Variants in PCDH15 observed in about 807,000 individuals in gnomAD.
PCDH15 encodes the protein protocadherin-15.
PCDH15 carries 129 observed loss-of-function variants against 178.5 expected under a neutral mutation model. The observed-to-expected ratio is 0.72, with a 90% confidence interval of 0.63 to 0.84. The LOEUF (loss-of-function observed/expected upper bound fraction) is 0.84, where lower values mean the gene tolerates loss of function less well. Among genes scored for constraint, PCDH15 ranks in the 40% least tolerant of loss-of-function variants. PCDH15 has a pLI of 0.00. For synonymous variants in PCDH15, 800 were observed against 732.0 expected, an observed-to-expected ratio of 1.09 and a Z score of -1.50; for missense variants, 2,230 against 2,099.9, an observed-to-expected ratio of 1.06 and a Z score of -1.21.
At chr10:55,494,687 G>A (rs1175028557) in intron 2 of PCDH15, among the ~76,000 whole-genome samples, 2 of 151,694 alleles carry the variant, frequency 1.3e-5, no homozygotes, top group South Asian at 2.1e-4. Flanking sequence ...GAAGTCCACT[G>A]AAATTAAAAT....
At chr10:55,298,726 G>A (rs527241911) in intron 1 of PCDH15, among the ~76,000 whole-genome samples, 2 of 151,928 alleles carry the variant, frequency 1.3e-5, no homozygotes, top group Non-Finnish European at 2.9e-5. Context: ...GACTACCAGC[G>A]TGTGCCACCA....
intron 13 of PCDH15, among the ~76,000 whole-genome samples, chr10:54,160,083 C>G (rs374398302): frequency 6.6e-6 from 1 of 152,130 alleles, no homozygotes; most frequent in East Asian, 1.9e-4. Flanking sequence ...AATAAGGGTA[C>G]CACCACAGGT....
At chr10:53,972,394 T>A (rs1220775148) in intron 21 of PCDH15, among the ~76,000 whole-genome samples, 1 of 152,184 alleles carries the variant, frequency 6.6e-6, no homozygotes, top group Non-Finnish European at 1.5e-5. Context: ...GCTTCATGAC[T>A]AAAACACCAA....
At chr10:54,944,735 T>C (rs778911960) in intron 2 of PCDH15, among the ~76,000 whole-genome samples, 3 of 151,848 alleles carry the variant, frequency 2.0e-5, no homozygotes, top group Non-Finnish European at 4.4e-5. Context: ...TGAAATTTTA[T>C]TGAGATACGA....
At chr10:54,829,587 T>C (rs1953188405) in intron 3 of PCDH15, among the ~76,000 whole-genome samples, 1 of 152,064 alleles carries the variant, frequency 6.6e-6, no homozygotes, top group Admixed American at 6.6e-5. Context: ...GCCAGAAATT[T>C]AGTGAGCCCA....
intron 1 of PCDH15, among the ~76,000 whole-genome samples, chr10:54,744,972 G>GC (rs996381319): frequency 6.6e-6 from 1 of 151,814 alleles, no homozygotes; most frequent in Non-Finnish European, 1.5e-5. Context: ...AATTGCAAAG[G>GC]CCCCCCACCA....
chr10:55,201,203 C>G (rs1014681235), intron 1 of PCDH15, among the ~76,000 whole-genome samples: 1 of 152,042 alleles, frequency 6.6e-6, no homozygotes, highest in Non-Finnish European at 1.5e-5. Flanking sequence ...ATATCAGAAG[C>G]TACTTTTGTC....
chr10:54,818,204 A>G (rs1480706507), intron 3 of PCDH15, among the ~76,000 whole-genome samples: 1 of 151,990 alleles, frequency 6.6e-6, no homozygotes, highest in Non-Finnish European at 1.5e-5. Context: ...ACAAGTGTTC[A>G]TTTAGATTTA....
At chr10:55,072,724 G>A (rs1276033677) in intron 2 of PCDH15, among the ~76,000 whole-genome samples, 1 of 151,910 alleles carries the variant, frequency 6.6e-6, no homozygotes, top group Non-Finnish European at 1.5e-5. Flanking sequence ...TAGAAAAAGA[G>A]GGAATCCTCC....
intron 3 of PCDH15, among the ~76,000 whole-genome samples, chr10:54,842,076 G>C (rs1040088063): frequency 2.6e-5 from 4 of 151,784 alleles, no homozygotes; most frequent in African/African-American, 9.7e-5. Context: ...CGAGGAACTT[G>C]AAATTGGACT....
At chr10:54,592,609 T>G (rs1208298200) in intron 2 of PCDH15, among the ~76,000 whole-genome samples, 1 of 152,170 alleles carries the variant, frequency 6.6e-6, no homozygotes, top group Non-Finnish European at 1.5e-5. Flanking sequence ...CATGGACACT[T>G]AAGTTGTATC....
intron 33 of PCDH15, among the ~76,000 whole-genome samples, chr10:53,818,788 TAATC>T (rs370246494): frequency 1.6e-4 from 24 of 152,066 alleles, no homozygotes; most frequent in African/African-American, 2.9e-4. Context: ...TATGTAGAAT[TAATC>T]AATCAGTGTA....
chr10:54,627,377 T>C (rs1225201809), intron 2 of PCDH15, among the ~76,000 whole-genome samples: 1 of 152,126 alleles, frequency 6.6e-6, no homozygotes. Flanking sequence ...TGGGAGATGA[T>C]TGAATCATGG....
At chr10:55,256,435 AC>A (rs1352696854) in intron 1 of PCDH15, among the ~76,000 whole-genome samples, 1 of 152,204 alleles carries the variant, frequency 6.6e-6, no homozygotes, top group African/African-American at 2.4e-5. Flanking sequence ...GCATCGCCTC[AC>A]CCGGGAAGTA....
intron 2 of PCDH15, among the ~76,000 whole-genome samples, chr10:55,460,297 G>A (rs572554244): frequency 6.6e-6 from 1 of 151,716 alleles, no homozygotes; most frequent in Non-Finnish European, 1.5e-5. Context: ...GTATTGGGAT[G>A]GCTAAAATAA....
At chr10:54,454,343 T>C (rs879561641) in intron 3 of PCDH15, among the ~76,000 whole-genome samples, 1 of 149,682 alleles carries the variant, frequency 6.7e-6, no homozygotes, top group African/African-American at 2.4e-5. Flanking sequence ...AAAGAATTAC[T>C]GTGGGCAATT....
intron 2 of PCDH15, among the ~76,000 whole-genome samples, chr10:55,613,213 A>T (rs1843407686): frequency 6.6e-6 from 1 of 151,794 alleles, no homozygotes; most frequent in Non-Finnish European, 1.5e-5. Context: ...TTCAATCTTA[A>T]GCCCCAAAAT....
chr10:54,328,343 C>A (rs558195475), intron 7 of PCDH15, among the ~76,000 whole-genome samples: 6 of 151,964 alleles, frequency 3.9e-5, no homozygotes, highest in Non-Finnish European at 7.4e-5. Flanking sequence ...ATTTCAAAAA[C>A]GTAAGCTTGT....
intron 3 of PCDH15, among the ~76,000 whole-genome samples, chr10:54,845,100 T>C (rs1004341678): frequency 1.3e-5 from 2 of 152,006 alleles, no homozygotes. Flanking sequence ...TCAAATCTTT[T>C]AGAAAAGGAA....
Sources: allele counts gnomAD v4.1 joint callset (sites outside exome capture counted in the v4.1 genomes callset), GRCh38; gene constraint gnomAD v4.1.1; transcripts MANE v1.5; gene names NCBI Gene and HGNC (gene_info 2026-07-23, HGNC 2026-07-21).